The following ROBO2 variants were observed in gnomAD, a reference collection of about 807,000 sequenced individuals.
The protein encoded by ROBO2 is roundabout guidance receptor 2, also known as roundabout homolog 2.
ROBO2 carries 53 observed loss-of-function variants against 160.8 expected under a neutral mutation model. That is an observed-to-expected ratio of 0.33 (90% CI 0.26 to 0.41). ROBO2 has a LOEUF of 0.41. Among genes scored for constraint, ROBO2 ranks in the 10% least tolerant of loss-of-function variants. The probability of loss-of-function intolerance (pLI) is 1.00; values close to 1 mark genes in which losing one functional copy is unlikely to be tolerated. For synonymous variants in ROBO2, 664 were observed against 611.7 expected (o/e 1.09, Z -1.26); for missense variants, 1,577 against 1,722.4 (o/e 0.92, Z 1.49).
chr3:76,476,870 T>C lies in ROBO2; in HGVS notation c.109+539268T>C, dbSNP rs1007100432. Among the ~76,000 whole-genome samples the C allele has an allele frequency of 2.0e-5, 3 of 152,172 alleles. No homozygotes were observed. The East Asian group carries it at 5.8e-4, about 29-fold the overall frequency. ...AAAAAATGATTTTATAGAACATGTC[T>C]GGAGGCAGCAAACTCCAAGTGACAT... On this transcript the variant is annotated intron_variant, in intron 2 of 26. Transcript: ENST00000487694.
At chr3:76,596,483 G>C (rs1279932056) in intron 2 of ROBO2, among the ~76,000 whole-genome samples, 2 of 152,100 alleles carry the variant, frequency 1.3e-5, no homozygotes, top group Non-Finnish European at 2.9e-5. Flanking sequence ...AACCCTCTCT[G>C]ACATTTACTA....
intron 2 of ROBO2, among the ~76,000 whole-genome samples, chr3:76,376,343 T>G (rs947474479): frequency 3.3e-5 from 5 of 152,136 alleles, no homozygotes; most frequent in Non-Finnish European, 7.4e-5. Context: ...CAATGTCATT[T>G]GTACCAGGGT....
chr3:76,942,374 T>G (rs754451128), intron 2 of ROBO2, among the ~76,000 whole-genome samples: 4 of 152,202 alleles, frequency 2.6e-5, no homozygotes, highest in African/African-American at 7.2e-5. Context: ...ACCAGCCTCC[T>G]TTATTGTTTT....
At position 76,270,349 on chromosome 3, in the gene ROBO2, C is replaced by T. The variant is rs150952943; in HGVS notation, c.109+332747C>T. Among the ~76,000 whole-genome samples, 40 of 152,132 alleles carry T rather than the reference C, an allele frequency of 2.6e-4. No homozygotes were observed. In the East Asian group the frequency reaches 7.5e-3, roughly 29 times the overall value. On this transcript the variant is annotated intron_variant, in intron 2 of 26. Coordinates refer to the ROBO2 transcript ENST00000487694. ...AGATATAATAGACATTCCTCAGAAA[C>T]ATGACACATTTCCATGGACAACCCT...
chr3:77,396,022 A>G (rs1403721843), intron 2 of ROBO2, among the ~76,000 whole-genome samples: 1 of 151,936 alleles, frequency 6.6e-6, no homozygotes, highest in Non-Finnish European at 1.5e-5. Flanking sequence ...TAACCAATAA[A>G]ATTATATATT....
At chr3:76,576,481 C>T (rs1451897501) in intron 2 of ROBO2, among the ~76,000 whole-genome samples, 1 of 152,082 alleles carries the variant, frequency 6.6e-6, no homozygotes, top group Non-Finnish European at 1.5e-5. Flanking sequence ...TTTTCTAGCT[C>T]TGCAAAGCAT....
intron 1 of ROBO2, among the ~76,000 whole-genome samples, chr3:77,079,399 G>A (rs1004035282): frequency 1.3e-5 from 2 of 151,982 alleles, no homozygotes; most frequent in African/African-American, 2.4e-5. Flanking sequence ...TGATTTTCTT[G>A]GCTAGCCTTC....
chr3:76,950,837 C>T (rs770088589), intron 2 of ROBO2, among the ~76,000 whole-genome samples: 10 of 152,198 alleles, frequency 6.6e-5, no homozygotes, highest in Non-Finnish European at 1.5e-4. Context: ...AGTGATCCTC[C>T]TACCTCAGTC....
chr3:76,847,929 G>A (rs1033055180), intron 2 of ROBO2, among the ~76,000 whole-genome samples: 10 of 151,694 alleles, frequency 6.6e-5, no homozygotes, highest in South Asian at 6.2e-4. Context: ...AAGAGATGAC[G>A]AGATATATTT....
At chr3:76,628,747 A>G (rs1466672363) in intron 2 of ROBO2, among the ~76,000 whole-genome samples, 1 of 152,218 alleles carries the variant, frequency 6.6e-6, no homozygotes, top group Non-Finnish European at 1.5e-5. Flanking sequence ...TGTGACTCAC[A>G]TCTATCAATT....
intron 2 of ROBO2, among the ~76,000 whole-genome samples, chr3:76,474,831 G>A (rs948784595): frequency 1.3e-5 from 2 of 152,082 alleles, no homozygotes; most frequent in Non-Finnish European, 2.9e-5. Flanking sequence ...TGACTAAACT[G>A]AGCTGGACTC....
At chr3:76,936,537 T>A (rs1387208580) in intron 2 of ROBO2, among the ~76,000 whole-genome samples, 1 of 151,886 alleles carries the variant, frequency 6.6e-6, no homozygotes, top group Non-Finnish European at 1.5e-5. Flanking sequence ...CCTGAAGGAT[T>A]TATGAGGTAT....
chr3:76,948,908 A>ATATATATATATATATTTT (rs1209284372), intron 2 of ROBO2, among the ~76,000 whole-genome samples: 1 of 24,970 alleles, frequency 4.0e-5, no homozygotes, highest in Non-Finnish European at 6.7e-5. Context: ...ATATATATAT[A>ATATATATATATATATTTT]TTTTTTTTTT....
At chr3:77,089,258 T>C (rs547162233) in intron 1 of ROBO2, among the ~76,000 whole-genome samples, 9 of 152,254 alleles carry the variant, frequency 5.9e-5, no homozygotes, top group Admixed American at 2.0e-4. Flanking sequence ...CTAGTTTTGG[T>C]TGTGAGAAAG....
At chr3:76,429,382 G>T (rs1215334560) in intron 2 of ROBO2, among the ~76,000 whole-genome samples, 13 of 152,124 alleles carry the variant, frequency 8.5e-5, no homozygotes, top group Admixed American at 7.9e-4. Flanking sequence ...TTATGTGGTT[G>T]GAGACAGTAT....
At chr3:77,584,982 A>C (rs2094009209) in intron 16 of ROBO2, among the ~76,000 whole-genome samples, 1 of 149,752 alleles carries the variant, frequency 6.7e-6, no homozygotes, top group African/African-American at 2.4e-5. Flanking sequence ...ATATATATAT[A>C]TACTATATAC....
At chr3:76,658,706 G>A (rs74654142) in intron 2 of ROBO2, among the ~76,000 whole-genome samples, 4 of 152,132 alleles carry the variant, frequency 2.6e-5, no homozygotes, top group Admixed American at 2.6e-4. Context: ...AGGTGTATAT[G>A]TGCCACATTT....
At chr3:77,372,018 T>C (rs2071828399) in intron 2 of ROBO2, among the ~76,000 whole-genome samples, 1 of 152,154 alleles carries the variant, frequency 6.6e-6, no homozygotes, top group Non-Finnish European at 1.5e-5. Context: ...TTCCACCTTT[T>C]ATGAGTGACA....
At chr3:77,298,760 CTTCA>C (rs2062380077) in intron 2 of ROBO2, among the ~76,000 whole-genome samples, 2 of 152,174 alleles carry the variant, frequency 1.3e-5, no homozygotes, top group African/African-American at 4.8e-5. Context: ...TTATTCATTC[CTTCA>C]TTCATCTGTG....
Sources: gnomAD v4.1 joint callset for allele counts (sites outside exome capture counted in the v4.1 genomes callset) on GRCh38, gnomAD v4.1.1 for gene constraint, MANE v1.5 for transcripts, NCBI Gene and HGNC (gene_info 2026-07-23, HGNC 2026-07-21) for gene names.